The following ITPRID1 variants were observed in gnomAD, a reference collection of about 807,000 sequenced individuals.
ITPRID1 encodes protein ITPRID1.
Under a neutral mutation model 95.4 loss-of-function variants are expected in ITPRID1, and 96 were observed. That is an observed-to-expected ratio of 1.01 (90% CI 0.85 to 1.19). The LOEUF is 1.19. ITPRID1 is among the 50% of genes most tolerant of loss of function. The pLI, the probability that ITPRID1 is intolerant of heterozygous loss-of-function variation, is 0.00. For missense variants in ITPRID1, 1,339 were observed against 1,252.9 expected, an observed-to-expected ratio of 1.07 and a Z score of -1.04; for synonymous variants, 510 against 453.6, an observed-to-expected ratio of 1.12 and a Z score of -1.58.
intron 1 of ITPRID1, among the ~76,000 whole-genome samples, chr7:31,538,187 C>T (rs188211979): frequency 6.6e-6 from 1 of 152,120 alleles, no homozygotes; most frequent in Non-Finnish European, 1.5e-5. Context: ...ATGTACTCTT[C>T]CCATTCTTTA....
At chr7:31,535,258 C>A (rs1783723462) in intron 1 of ITPRID1, among the ~76,000 whole-genome samples, 1 of 151,984 alleles carries the variant, frequency 6.6e-6, no homozygotes, top group African/African-American at 2.4e-5. Flanking sequence ...TAAAAACTTT[C>A]TAATGGTATA....
At position 31,643,935 on chromosome 7, in the gene ITPRID1, A is replaced by C. The variant is rs1454739719; in HGVS notation, c.2565A>C (p.Thr855=). The change falls in exon 12 of 15, where the codon ACA becomes ACC. Residue 855 remains threonine, a synonymous_variant. Coordinates refer to ENST00000615280, the MANE Select transcript of ITPRID1 (RefSeq NM_001257967.3). ...CTTTGAAAGCCCTTCAGGACACTAC[A>C]GTGAGGGAGCTATGTTCCGTAAGTG... ...MTTLKALQDT[T]VRELCSCTVH... The C allele has an allele frequency of 6.2e-7, 1 of 1,611,662 alleles. No individual in the cohort carries two copies. The highest frequency in any genetic ancestry group is 8.5e-7 in the Non-Finnish European group (1 of 1,179,074).
At chr7:31,617,572 C>CTGAT (rs1453203702) in intron 10 of ITPRID1, among the ~76,000 whole-genome samples, 1 of 151,972 alleles carries the variant, frequency 6.6e-6, no homozygotes, top group Non-Finnish European at 1.5e-5. Context: ...AAAATACATC[C>CTGAT]TGATTAGTCT....
chr7:31,535,873 T>C (rs1783741396), intron 1 of ITPRID1, among the ~76,000 whole-genome samples: 1 of 152,096 alleles, frequency 6.6e-6, no homozygotes, highest in Non-Finnish European at 1.5e-5. Flanking sequence ...GTTGTTCCTC[T>C]CTGTGTAGTG....
intron 10 of ITPRID1, among the ~76,000 whole-genome samples, 161 bp downstream of exon 10, chr7:31,583,352 G>A (rs529524077): frequency 2.0e-5 from 3 of 152,322 alleles, no homozygotes; most frequent in Non-Finnish European, 4.4e-5. Flanking sequence ...CAGGCCGGGT[G>A]CGGTGGCTCA....
intron 10 of ITPRID1, among the ~76,000 whole-genome samples, chr7:31,590,102 T>C (rs1785800329): frequency 6.6e-6 from 1 of 152,062 alleles, no homozygotes; most frequent in South Asian, 2.1e-4. Flanking sequence ...GGGATCTCAC[T>C]CTGTAGCCCA....
intron 1 of ITPRID1, among the ~76,000 whole-genome samples, chr7:31,525,154 G>A (rs1193848859): frequency 6.6e-6 from 1 of 152,198 alleles, no homozygotes; most frequent in Non-Finnish European, 1.5e-5. Flanking sequence ...GGAAGCATCT[G>A]TAAAAGAAGC....
intron 10 of ITPRID1, among the ~76,000 whole-genome samples, chr7:31,622,196 C>T (rs6972205): frequency 0.33 from 42,586 of 131,014 alleles, 7,854 homozygotes; most frequent in Non-Finnish European, 0.42. Flanking sequence ...GACAGATCAA[C>T]GAGAGAGAAA....
At chr7:31,575,877 GGAAT>G (rs1785163442) in intron 8 of ITPRID1, among the ~76,000 whole-genome samples, 1 of 76,162 alleles carries the variant, frequency 1.3e-5, no homozygotes. Context: ...CAAAACTTCA[GGAAT>G]GATATTTTTT....
rs561225420 is a variant in ITPRID1, at chr7:31,578,329, G to T, written c.1065G>T (p.Gly355=). Residue 355 remains glycine, a synonymous_variant, in exon 9 of 15, where the codon GGG becomes GGT. Transcript: ENST00000615280. ...CTCCTCCTTCCTGTGTGTCTGAGGGGTCAGTCAAGGGCAGAACTCAGAAGG... is the reference window on the plus strand; with the variant it reads ...CTCCTCCTTCCTGTGTGTCTGAGGGTTCAGTCAAGGGCAGAACTCAGAAGG... The part of the protein sequence containing the change: ...KQAPPSCVSE[G]SVKGRTQKEN... 1.2e-6 allele frequency: 2 copies of T among 1,613,850 alleles called. No homozygotes were observed. Among genetic ancestry groups the T allele is most frequent in the Admixed American group, 1.7e-5 (1 of 60,006 alleles).
intron 7 of ITPRID1, among the ~76,000 whole-genome samples, chr7:31,573,220 A>T (rs1785053698): frequency 1.3e-5 from 2 of 152,224 alleles, no homozygotes; most frequent in Admixed American, 6.5e-5. Flanking sequence ...TGCTAAGAGA[A>T]TATTATTTCA....
At chr7:31,566,269 A>G (rs1479156464) in intron 5 of ITPRID1, among the ~76,000 whole-genome samples, 2 of 152,188 alleles carry the variant, frequency 1.3e-5, no homozygotes, top group African/African-American at 2.4e-5. Context: ...CTGAAAACGG[A>G]TCATTTCCTC....
At chr7:31,632,086 G>C (rs1054487199) in intron 10 of ITPRID1, among the ~76,000 whole-genome samples, 6 of 152,142 alleles carry the variant, frequency 3.9e-5, no homozygotes, top group Admixed American at 3.9e-4. Context: ...ACAGTGACTT[G>C]TCCTACAGCA....
intron 10 of ITPRID1, among the ~76,000 whole-genome samples, chr7:31,636,712 G>A (rs1329917897): frequency 4.0e-5 from 6 of 151,062 alleles, no homozygotes; most frequent in Admixed American, 6.6e-5. Context: ...CACATAAAGG[G>A]ATCTTTTTTT....
intron 10 of ITPRID1, among the ~76,000 whole-genome samples, chr7:31,595,070 CT>C (rs958852739): frequency 0.022 from 2,865 of 127,422 alleles, 37 homozygotes; most frequent in African/African-American, 0.073. Context: ...TTTATAATTT[CT>C]TTTTTTTTTT....
chr7:31,623,734 C>T (rs1023076595), intron 10 of ITPRID1, among the ~76,000 whole-genome samples: 4 of 144,142 alleles, frequency 2.8e-5, no homozygotes, highest in Admixed American at 2.1e-4. Flanking sequence ...CCTCTATCAC[C>T]ACGCCTATTC....
intron 5 of ITPRID1, among the ~76,000 whole-genome samples, chr7:31,569,213 C>A (rs1214978212): frequency 2.0e-5 from 3 of 152,072 alleles, no homozygotes; most frequent in Non-Finnish European, 4.4e-5. Flanking sequence ...AATTTTAAGG[C>A]TGTTGGAAGG....
intron 10 of ITPRID1, among the ~76,000 whole-genome samples, chr7:31,591,596 G>T: frequency 6.6e-6 from 1 of 151,850 alleles, no homozygotes; most frequent in East Asian, 1.9e-4. Flanking sequence ...AAAATAGATG[G>T]CATGCTCAAA....
At chr7:31,521,193 A>C (rs1322472882) in intron 1 of ITPRID1, among the ~76,000 whole-genome samples, 1 of 151,858 alleles carries the variant, frequency 6.6e-6, no homozygotes, top group East Asian at 1.9e-4. Flanking sequence ...CTTCTTTTCT[A>C]AAATATGCAT....
Sources: allele counts gnomAD v4.1 joint callset (sites outside exome capture counted in the v4.1 genomes callset), GRCh38; gene constraint gnomAD v4.1.1; transcripts MANE v1.5; gene names NCBI Gene and HGNC (gene_info 2026-07-23, HGNC 2026-07-21).